Variants in SH2D4A observed in about 807,000 individuals in gnomAD.
SH2D4A encodes the protein SH2 domain-containing protein 4A.
A neutral mutation model predicts 64.7 loss-of-function variants in SH2D4A; 70 were observed. That is an observed-to-expected ratio of 1.08 (90% CI 0.89 to 1.32). The LOEUF (loss-of-function observed/expected upper bound fraction) is 1.32, where lower values mean the gene tolerates loss of function less well. Ranked by LOEUF, SH2D4A falls within the 40% of genes most tolerant of loss-of-function variation. The pLI, the probability that SH2D4A is intolerant of heterozygous loss-of-function variation, is 0.00. For synonymous variants in SH2D4A, 268 were observed against 200.7 expected, an observed-to-expected ratio of 1.34 and a Z score of -2.83; for missense variants, 706 against 540.1, an observed-to-expected ratio of 1.31 and a Z score of -3.04.
chr8:19,377,722 C>A (rs758929658), intron 8 of SH2D4A, among the ~76,000 whole-genome samples: 3 of 152,174 alleles, frequency 2.0e-5, no homozygotes, highest in Middle Eastern at 3.4e-3. Context: ...CATTATTCAT[C>A]TCTCCTACAT....
intron 8 of SH2D4A, among the ~76,000 whole-genome samples, chr8:19,392,617 A>G (rs1227468782): frequency 1.3e-5 from 2 of 151,768 alleles, no homozygotes; most frequent in Admixed American, 6.6e-5. Flanking sequence ...GTATCTTTAA[A>G]TCCCCTCCCA....
At chr8:19,369,165 T>C (rs2153649457) in intron 7 of SH2D4A, among the ~76,000 whole-genome samples, 1 of 152,288 alleles carries the variant, frequency 6.6e-6, no homozygotes, top group South Asian at 2.1e-4. Flanking sequence ...CATCCTTGCG[T>C]CCCTGAGATG....
At position 19,340,585 on chromosome 8, in the gene SH2D4A, T is replaced by TTTC. The variant is rs143617662; in HGVS notation, c.513+5730_513+5731insCTT. On this transcript the variant is annotated intron_variant, in intron 4 of 9. Coordinates refer to ENST00000265807, the MANE Select transcript of SH2D4A (RefSeq NM_022071.4). ...TGGTGGATACACGCTGATTTTGTTC[T>TTTC]TTTCTTTCTTTCTTTCTTTTTTTTT... Among the ~76,000 whole-genome samples the TTTC allele has an allele frequency of 9.3e-4, 129 of 138,344 alleles. 2 individuals carry two copies. The highest frequency in any genetic ancestry group is 7.5e-3 in the Middle Eastern group (2 of 268). The allele number at this position is 138,344 out of a possible 152,430, so 90.8% of individuals were successfully genotyped here.
In SH2D4A at chr8:19,364,155, G is replaced by A. The variant is rs745901245; in HGVS notation, c.790G>A (p.Ala264Thr). ...AGACTACAAGAGGTTATCCCTCGGG[G>A]CCCAGAAAGGAAGAGGCGGTGAGAG... ...REDYKRLSLGAQKGRGGERLQ... is the reference protein window; with the variant it reads ...REDYKRLSLGTQKGRGGERLQ... Residue 264 changes from alanine (A) to threonine (T), a missense_variant, in exon 7 of 10, where the codon GCC (alanine) becomes ACC (threonine). By Grantham distance (58) the Ala-to-Thr change is moderately conservative. Coordinates refer to ENST00000265807, the MANE Select transcript of SH2D4A (RefSeq NM_022071.4). 11 of 1,613,952 alleles carry A rather than the reference G, an allele frequency of 6.8e-6. No individual in the cohort carries two copies. The highest frequency in any genetic ancestry group is 2.7e-5 in the African/African-American group (2 of 74,922).
At position 19,387,447 on chromosome 8, in the gene SH2D4A, C is replaced by T. The variant is rs555689299; in HGVS notation, c.1049-5871C>T. Among the ~76,000 whole-genome samples the T allele has an allele frequency of 8.5e-5, 13 of 152,282 alleles. 1 individual carries two copies. The highest frequency in any genetic ancestry group is 3.9e-4 in the Admixed American group (6 of 15,296). On this transcript the variant is annotated intron_variant, in intron 8 of 9. Transcript: ENST00000265807. The stretch of plus-strand genomic sequence containing the variant: ...TAGAGATGGGGTCTTGCCATGTTGC[C>T]CAGGCTAGTCTCAAACTCCTGGTCT...
intron 8 of SH2D4A, among the ~76,000 whole-genome samples, chr8:19,389,292 C>T (rs183468029): frequency 1.3e-5 from 2 of 152,234 alleles, no homozygotes; most frequent in East Asian, 3.9e-4. Flanking sequence ...AAAAATGTTT[C>T]CCCGGGGCCT....
At chr8:19,319,229 C>G (rs1353133444) in intron 1 of SH2D4A, 115 bp from the exon 2 acceptor site, 1 of 727,234 alleles carries the variant, frequency 1.4e-6, no homozygotes, top group African/African-American at 1.9e-5. Context: ...TCTCTTTTCT[C>G]TCTGAACTGA....
At chr8:19,359,019 T>C (rs2052837838) in intron 5 of SH2D4A, among the ~76,000 whole-genome samples, 1 of 152,202 alleles carries the variant, frequency 6.6e-6, no homozygotes, top group Non-Finnish European at 1.5e-5. Flanking sequence ...TGGTCCAACA[T>C]GCTTCCAGCA....
chr8:19,337,544 TGAGA>T lies in SH2D4A; in HGVS notation c.513+2693_513+2696del, dbSNP rs1254453189. Among the ~76,000 whole-genome samples the T allele has an allele frequency of 7.9e-5, 12 of 152,170 alleles. No individual in the cohort carries two copies. The Middle Eastern group carries it at 0.014, about 173-fold the overall frequency. ...TATAAGAGGAGAGCCAAGGAAAATG[TGAGA>T]GAGAGTGTACTAGTCTGTTTTCATG... On this transcript the variant is annotated intron_variant, in intron 4 of 9. Transcript: ENST00000265807.
intron 4 of SH2D4A, among the ~76,000 whole-genome samples, chr8:19,343,665 A>G (rs1256396025): frequency 2.0e-5 from 3 of 152,208 alleles, no homozygotes. Flanking sequence ...TTCAGTGCCC[A>G]GCACTGTTGG....
chr8:19,357,117 G>A (rs1253873736), intron 4 of SH2D4A, 86 bp from the exon 5 acceptor site: 4 of 1,114,390 alleles, frequency 3.6e-6, no homozygotes, highest in African/African-American at 3.1e-5. Flanking sequence ...GGCAGCATTA[G>A]GGAAACCAGG....
chr8:19,340,630 G>A (rs1328390724), intron 4 of SH2D4A, among the ~76,000 whole-genome samples: 1 of 141,750 alleles, frequency 7.1e-6, no homozygotes, highest in Non-Finnish European at 1.5e-5. Context: ...TTTTGAGACA[G>A]GGTCTTGCTC....
chr8:19,389,387 A>T (rs1400290938), intron 8 of SH2D4A, among the ~76,000 whole-genome samples: 1 of 152,184 alleles, frequency 6.6e-6, no homozygotes, highest in African/African-American at 2.4e-5. Flanking sequence ...GGCTTTTCCC[A>T]TCAAAATGAA....
rs114972372 is a variant in SH2D4A at position 19,315,266 on chromosome 8, G to C, written c.-205+1443G>C. On this transcript the variant is annotated intron_variant, in intron 1 of 9. Coordinates refer to ENST00000265807, the MANE Select transcript of SH2D4A (RefSeq NM_022071.4). Reference sequence around the variant, plus strand: ...TCCCCCCACCTCAACCTCCCAAGTAGGTGGGACTATAGGTGCGGGCCACCA... The same window carrying C: ...TCCCCCCACCTCAACCTCCCAAGTACGTGGGACTATAGGTGCGGGCCACCA... 3.3e-3 allele frequency among the ~76,000 whole-genome samples: 504 copies of C among 152,244 alleles called. 5 individuals carry two copies. Among genetic ancestry groups the C allele is most frequent in the African/African-American group, 0.011 (467 of 41,544 alleles).
intron 7 of SH2D4A, among the ~76,000 whole-genome samples, chr8:19,369,918 T>C (rs1360574345): frequency 6.6e-6 from 1 of 152,088 alleles, no homozygotes; most frequent in Non-Finnish European, 1.5e-5. Flanking sequence ...TTATTTGATA[T>C]CTTTCTACTT....
chr8:19,342,547 A>G (rs1469803033), intron 4 of SH2D4A, among the ~76,000 whole-genome samples: 1 of 152,190 alleles, frequency 6.6e-6, no homozygotes, highest in Non-Finnish European at 1.5e-5. Context: ...AAAGATGTAC[A>G]TTCAACATGT....
chr8:19,315,102 T>G (rs1397481183), intron 1 of SH2D4A, among the ~76,000 whole-genome samples: 2 of 152,092 alleles, frequency 1.3e-5, no homozygotes, highest in Non-Finnish European at 2.9e-5. Context: ...ACTTTTTTTT[T>G]GGCCATGTAA....
chr8:19,328,756 G>A (rs2052324285), intron 2 of SH2D4A, among the ~76,000 whole-genome samples: 1 of 152,226 alleles, frequency 6.6e-6, no homozygotes, highest in African/African-American at 2.4e-5. Context: ...GATAAAGAAT[G>A]TGAAAATAAT....
intron 4 of SH2D4A, among the ~76,000 whole-genome samples, chr8:19,355,439 T>G (rs1028910004): frequency 6.6e-6 from 1 of 152,154 alleles, no homozygotes; most frequent in Admixed American, 6.5e-5. Context: ...CAAAGTATAC[T>G]TTTATAATAT....
Sources: gnomAD v4.1 joint callset for allele counts (sites outside exome capture counted in the v4.1 genomes callset) on GRCh38, gnomAD v4.1.1 for gene constraint, MANE v1.5 for transcripts, NCBI Gene and HGNC (gene_info 2026-07-23, HGNC 2026-07-21) for gene names.